ENOX1: variants seen among roughly 807,000 people sequenced by gnomAD.
ENOX1 encodes the protein ecto-NOX disulfide-thiol exchanger 1, also known as candidate growth-related and time keeping constitutive hydroquinone (NADH) oxidase.
ENOX1 carries 42 observed loss-of-function variants against 82.5 expected under a neutral mutation model. That is an observed-to-expected ratio of 0.51 (90% CI 0.40 to 0.66). The LOEUF is 0.66. Among genes scored for constraint, ENOX1 ranks in the 30% least tolerant of loss-of-function variants. ENOX1 has a pLI of 0.00. For synonymous variants in ENOX1, 271 were observed against 282.2 expected (o/e 0.96, Z 0.40); for missense variants, 608 against 811.6 (o/e 0.75, Z 3.05).
At chr13:43,732,872 C>G (rs1026721157) in intron 1 of ENOX1, among the ~76,000 whole-genome samples, 10 of 152,198 alleles carry the variant, frequency 6.6e-5, no homozygotes, top group Admixed American at 3.9e-4. Flanking sequence ...TCCACTTGCC[C>G]ATTAGACTGC....
chr13:43,245,671 A>G (rs2043046761), intron 14 of ENOX1, among the ~76,000 whole-genome samples: 1 of 152,128 alleles, frequency 6.6e-6, no homozygotes, highest in Non-Finnish European at 1.5e-5. Context: ...GTGGGCTCTC[A>G]CCACCTCTGC....
intron 14 of ENOX1, among the ~76,000 whole-genome samples, chr13:43,260,585 T>G (rs1477182503): frequency 1.3e-5 from 2 of 152,064 alleles, no homozygotes; most frequent in Admixed American, 1.3e-4. Context: ...ATCCTTCCCC[T>G]CCACCAGACA....
intron 16 of ENOX1, among the ~76,000 whole-genome samples, chr13:43,217,065 G>A (rs1395223667): frequency 6.6e-6 from 1 of 152,200 alleles, no homozygotes; most frequent in Non-Finnish European, 1.5e-5. Flanking sequence ...AACACAGGCA[G>A]TAAGTGTGGA....
chr13:43,344,888 C>T (rs1259446855), intron 8 of ENOX1, 138 bp from the exon 9 acceptor site: 2 of 787,054 alleles, frequency 2.5e-6, no homozygotes, highest in African/African-American at 1.7e-5. Context: ...TTTCCTGAGA[C>T]TGACTGCCAT....
At chr13:43,688,069 C>A (rs1194947659) in intron 1 of ENOX1, among the ~76,000 whole-genome samples, 2 of 151,976 alleles carry the variant, frequency 1.3e-5, no homozygotes, top group African/African-American at 2.4e-5. Context: ...TTCCCATTGC[C>A]CTTATCCTAA....
intron 2 of ENOX1, among the ~76,000 whole-genome samples, chr13:43,557,622 C>T (rs1009570231): frequency 4.6e-5 from 7 of 152,016 alleles, no homozygotes; most frequent in African/African-American, 1.4e-4. Context: ...AGGTTCCAAC[C>T]GTATAAGTAG....
intron 3 of ENOX1, among the ~76,000 whole-genome samples, chr13:43,422,661 C>T (rs2055046390): frequency 6.6e-6 from 1 of 152,054 alleles, no homozygotes; most frequent in Admixed American, 6.5e-5. Flanking sequence ...CCTGAAGGCC[C>T]CCCTCTAAAA....
rs143375118 is a variant in ENOX1 at position 43,399,308 on chromosome 13, C to T, written c.208+12608G>A. Among the ~76,000 whole-genome samples, 153 of 152,234 alleles carry T rather than the reference C, an allele frequency of 1.0e-3. 2 individuals are homozygous for T. In the East Asian group the frequency reaches 0.024, roughly 24 times the overall value. On this transcript the variant is annotated intron_variant, in intron 5 of 16. Coordinates refer to ENST00000690772, the MANE Select transcript of ENOX1 (RefSeq NM_001347969.2). ...TGGGGGTGAGCAGCTCTAATCCTGG[C>T]TTTGTCCAAGGGTCAGCTATAGTGT... is the stretch of plus-strand genomic sequence containing the variant.
rs1314151704 is a variant in ENOX1 at position 43,484,017 on chromosome 13, T to C, written c.-83A>G. 2.0e-6 allele frequency: 2 copies of C among 985,356 alleles called. No homozygotes were observed. Among genetic ancestry groups the C allele is most frequent in the Non-Finnish European group, 1.2e-6 (1 of 829,928 alleles). 61.0% of individuals were successfully genotyped at this position (985,356 alleles called of 1,614,324 possible). On this transcript the variant is annotated 5_prime_UTR_variant, in exon 3 of 17. Transcript: ENST00000690772. The stretch of plus-strand genomic sequence containing the variant: ...AAAAAATTAACACAAACCTCAAAAC[T>C]GCCAGCAGCTCAGAAGACAAATGTG...
intron 3 of ENOX1, among the ~76,000 whole-genome samples, chr13:43,447,891 T>C (rs956791743): frequency 4.3e-4 from 66 of 152,218 alleles, no homozygotes; most frequent in African/African-American, 1.6e-3. Context: ...AAAGCATCCA[T>C]CTTTAAAATG....
At chr13:43,301,300 G>T (rs2046562177) in intron 11 of ENOX1, among the ~76,000 whole-genome samples, 1 of 152,284 alleles carries the variant, frequency 6.6e-6, no homozygotes, top group Admixed American at 6.5e-5. Context: ...TGCAAGATAT[G>T]CTGAAATCTG....
chr13:43,553,850 C>A (rs944035242), intron 2 of ENOX1, among the ~76,000 whole-genome samples: 12 of 152,296 alleles, frequency 7.9e-5, no homozygotes, highest in Non-Finnish European at 1.3e-4. Flanking sequence ...CAGGTTCAAG[C>A]GATTCTCCTG....
At chr13:43,450,974 T>G (rs1324449345) in intron 3 of ENOX1, among the ~76,000 whole-genome samples, 1 of 152,240 alleles carries the variant, frequency 6.6e-6, no homozygotes, top group Non-Finnish European at 1.5e-5. Flanking sequence ...GAAACTTCAC[T>G]GTCCACAGGG....
chr13:43,368,408 A>G lies in ENOX1; in HGVS notation c.209-6956T>C, dbSNP rs1397870226. ...AGAGAATTTCAAAACTCCTGACCAA[A>G]GCTGGTACAGAGAAAAACTGACTGC... On this transcript the variant is annotated intron_variant, in intron 5 of 16. Coordinates refer to ENST00000690772, the MANE Select transcript of ENOX1 (RefSeq NM_001347969.2). Among the ~76,000 whole-genome samples the G allele has an allele frequency of 1.4e-4, 21 of 152,252 alleles. 1 individual carries two copies.
At chr13:43,588,452 T>G (rs2081091564) in intron 2 of ENOX1, among the ~76,000 whole-genome samples, 1 of 152,218 alleles carries the variant, frequency 6.6e-6, no homozygotes, top group African/African-American at 2.4e-5. Context: ...TGAGTGTGGC[T>G]GAGAAATCCA....
intron 2 of ENOX1, among the ~76,000 whole-genome samples, chr13:43,651,272 G>A (rs949601244): frequency 2.0e-5 from 3 of 152,238 alleles, no homozygotes; most frequent in Middle Eastern, 3.4e-3. Context: ...GGGAGGGAAG[G>A]AGGAGAAGAG....
intron 3 of ENOX1, among the ~76,000 whole-genome samples, chr13:43,466,668 C>T (rs1593340328): frequency 6.6e-6 from 1 of 152,204 alleles, no homozygotes; most frequent in South Asian, 2.1e-4. Flanking sequence ...ATGTATAGTT[C>T]ACTCTTTTAA....
chr13:43,388,989 GT>G (rs1475307978), intron 5 of ENOX1, among the ~76,000 whole-genome samples: 1 of 152,108 alleles, frequency 6.6e-6, no homozygotes, highest in Admixed American at 6.5e-5. Flanking sequence ...TAAAGTTATA[GT>G]TCTTGGGCAA....
At chr13:43,660,698 A>G (rs2084675088) in intron 2 of ENOX1, among the ~76,000 whole-genome samples, 1 of 152,254 alleles carries the variant, frequency 6.6e-6, no homozygotes, top group South Asian at 2.1e-4. Flanking sequence ...GAGAGTATTC[A>G]GAGAGAAAAA....
Sources: allele counts gnomAD v4.1 joint callset (sites outside exome capture counted in the v4.1 genomes callset), GRCh38; gene constraint gnomAD v4.1.1; transcripts MANE v1.5; gene names NCBI Gene and HGNC (gene_info 2026-07-23, HGNC 2026-07-21).